ENPP2: variants seen among roughly 807,000 people sequenced by gnomAD.
The protein encoded by ENPP2 is ectonucleotide pyrophosphatase/phosphodiesterase 2.
In ENPP2, 51 loss-of-function variants were observed where a neutral mutation model predicts 120.2. The ratio of observed to expected loss-of-function variants is 0.42; its 90% CI spans 0.34 to 0.54. ENPP2 has a LOEUF of 0.54. ENPP2 is among the 20% of genes least tolerant of loss of function. The pLI is 0.04. For missense variants in ENPP2, 920 were observed against 1,066.5 expected (o/e 0.86, Z 1.91); for synonymous variants, 365 against 366.4 (o/e 1.00, Z 0.04).
intron 1 of ENPP2, among the ~76,000 whole-genome samples, chr8:119,657,316 A>C (rs9297601): frequency 0.32 from 48,419 of 152,062 alleles, 8,145 homozygotes; most frequent in East Asian, 0.55. Flanking sequence ...GAAATGATTT[A>C]AACCCAGTCT....
chr8:119,643,685 C>T (rs905263370), upstream of ENPP2, among the ~76,000 whole-genome samples: 1 of 152,176 alleles, frequency 6.6e-6, no homozygotes, highest in Non-Finnish European at 1.5e-5. Context: ...AGGGAGCTGA[C>T]CCACACATAG....
chr8:119,670,113 C>T (rs1246098263), intron 1 of ENPP2, among the ~76,000 whole-genome samples: 1 of 152,162 alleles, frequency 6.6e-6, no homozygotes, highest in African/African-American at 2.4e-5. Flanking sequence ...TTTGCCTTCA[C>T]AAAGTCAACA....
chr8:119,616,501 T>G (rs1158733739), intron 7 of ENPP2, 117 bp from the exon 8 acceptor site: 12 of 602,238 alleles, frequency 2.0e-5, no homozygotes, highest in Non-Finnish European at 3.1e-5. Context: ...TTTCCAAAAT[T>G]ATATAAGACA....
chr8:119,625,142 CAT>C (rs1442884628), intron 3 of ENPP2, among the ~76,000 whole-genome samples: 1 of 152,110 alleles, frequency 6.6e-6, no homozygotes, highest in Non-Finnish European at 1.5e-5. Flanking sequence ...AAGGAGGAAA[CAT>C]AAAACATTAG....
At chr8:119,666,456 T>C (rs1483708569) in intron 1 of ENPP2, among the ~76,000 whole-genome samples, 2 of 152,078 alleles carry the variant, frequency 1.3e-5, no homozygotes, top group Non-Finnish European at 2.9e-5. Flanking sequence ...AGTAATATAA[T>C]GCAACCTATC....
intron 20 of ENPP2, among the ~76,000 whole-genome samples, chr8:119,569,917 A>G (rs1262715174): frequency 2.6e-5 from 4 of 152,132 alleles, no homozygotes; most frequent in Non-Finnish European, 5.9e-5. Flanking sequence ...AATTTGTGAT[A>G]TATACCTATT....
intron 9 of ENPP2, among the ~76,000 whole-genome samples, chr8:119,605,097 G>A (rs868223467): frequency 4.0e-5 from 6 of 151,562 alleles, no homozygotes; most frequent in Non-Finnish European, 8.8e-5. Context: ...TTTGAGACAG[G>A]GTCTCACTCT....
At chr8:119,600,988 G>C (rs1352607759) in intron 10 of ENPP2, among the ~76,000 whole-genome samples, 1 of 151,840 alleles carries the variant, frequency 6.6e-6, no homozygotes, top group African/African-American at 2.4e-5. Context: ...AGGAAAACTT[G>C]AACCTGTACT....
chr8:119,610,903 TAA>T (rs541673414), intron 8 of ENPP2, among the ~76,000 whole-genome samples: 43 of 136,408 alleles, frequency 3.2e-4, no homozygotes, highest in Non-Finnish European at 3.0e-4. Context: ...ATTCTGTCTT[TAA>T]AAAAAAAAAA....
In ENPP2 at chr8:119,557,750, G is replaced by T. The variant is rs1587300103; in HGVS notation, c.2422-59C>A. 13 of 1,437,846 alleles carry T rather than the reference G, an allele frequency of 9.0e-6. No individual in the cohort carries two copies. In the South Asian group the frequency reaches 1.4e-4, roughly 15 times the overall value. The allele number at this position is 1,437,846 out of a possible 1,614,324, so 89.1% of individuals were successfully genotyped here. ...ATTTTCCAGAGGAGTTTCTCCAAAT[G>T]GTCAGTTTACTCCAAGTCCACAAAT... On this transcript the variant is annotated intron_variant, in intron 24 of 24. Coordinates refer to ENST00000075322, the MANE Select transcript of ENPP2 (RefSeq NM_001040092.3).
intron 21 of ENPP2, 36 bp downstream of exon 21, chr8:119,569,199 C>T: frequency 6.2e-7 from 1 of 1,604,910 alleles, no homozygotes; most frequent in South Asian, 1.1e-5. Context: ...TGTGACATCC[C>T]TCTGAAGGCA....
At chr8:119,667,424 T>C (rs1439500003) in intron 1 of ENPP2, among the ~76,000 whole-genome samples, 5 of 152,222 alleles carry the variant, frequency 3.3e-5, no homozygotes, top group Non-Finnish European at 7.3e-5. Context: ...TTCATTTGGC[T>C]CTTTCATTCA....
intron 18 of ENPP2, among the ~76,000 whole-genome samples, chr8:119,582,097 G>C (rs1812789180): frequency 6.6e-6 from 1 of 152,194 alleles, no homozygotes; most frequent in African/African-American, 2.4e-5. Flanking sequence ...ATGACTAATA[G>C]ACATGTGATC....
At chr8:119,653,082 G>C (rs1276573152) in intron 1 of ENPP2, among the ~76,000 whole-genome samples, 1 of 152,112 alleles carries the variant, frequency 6.6e-6, no homozygotes, top group Non-Finnish European at 1.5e-5. Context: ...TCCAGGAGGG[G>C]AATGTTTCAG....
upstream of ENPP2, among the ~76,000 whole-genome samples, chr8:119,641,329 CA>C (rs574222819): frequency 7.2e-6 from 1 of 138,222 alleles, no homozygotes; most frequent in Non-Finnish European, 1.6e-5. Context: ...AAAAAAAAAA[CA>C]AAAAAAAGCT....
At position 119,590,500 on chromosome 8, in the gene ENPP2, C is replaced by T. The variant is rs1392266871; in HGVS notation, c.1207+5G>A. On this transcript the variant is annotated splice_donor_5th_base_variant and intron_variant, in intron 13 of 24. Transcript: ENST00000075322. ...AACCACTTAATATTTTAAGAATCAA[C>T]TTACATTTAGCATTGTTGCTAAATT... is the stretch of plus-strand genomic sequence containing the variant. The T allele has an allele frequency of 6.3e-7, 1 of 1,592,000 alleles. No individual in the cohort carries two copies. Among genetic ancestry groups the T allele is most frequent in the Admixed American group, 1.8e-5 (1 of 56,254 alleles).
At chr8:119,615,814 T>C (rs1470448878) in intron 8 of ENPP2, among the ~76,000 whole-genome samples, 1 of 152,166 alleles carries the variant, frequency 6.6e-6, no homozygotes, top group Non-Finnish European at 1.5e-5. Context: ...GGGAAATCAA[T>C]GAGATCTGAC....
intron 1 of ENPP2, among the ~76,000 whole-genome samples, chr8:119,667,376 A>T (rs1371144120): frequency 6.6e-6 from 1 of 152,108 alleles, no homozygotes; most frequent in Non-Finnish European, 1.5e-5. Context: ...AAAATTCTTT[A>T]TTGTATTGAG....
rs1563663474 is a variant in ENPP2 at position 119,561,815 on chromosome 8, T to TGTG, written c.2421+1041_2421+1042insCAC. On this transcript the variant is annotated intron_variant, in intron 24 of 24. Transcript: ENST00000075322. ...TGTGTGTGTGTGTGTGTGTGTGTGT[T>TGTG]TGTGTGTGTGTGTGTATGTGTGTGT... is the stretch of plus-strand genomic sequence containing the variant. Among the ~76,000 whole-genome samples, 11 of 121,646 alleles carry TGTG rather than the reference T, an allele frequency of 9.0e-5. 1 individual carries two copies. The East Asian group carries it at 1.1e-3, about 12-fold the overall frequency. The allele number at this position is 121,646 out of a possible 152,430, so 79.8% of individuals were successfully genotyped here. A position where few individuals can be genotyped will look rare whatever the true frequency, so the allele number is the denominator to read the frequency against.
Sources: gnomAD v4.1 joint callset for allele counts (sites outside exome capture counted in the v4.1 genomes callset) on GRCh38, gnomAD v4.1.1 for gene constraint, MANE v1.5 for transcripts, NCBI Gene and HGNC (gene_info 2026-07-23, HGNC 2026-07-21) for gene names.